CTNNA3: variants seen among roughly 807,000 people sequenced by gnomAD.
The protein encoded by CTNNA3 is catenin alpha 3, also known as catenin alpha-3.
In CTNNA3, 76 loss-of-function variants were observed where a neutral mutation model predicts 95.7. The ratio of observed to expected loss-of-function variants is 0.79; its 90% CI spans 0.66 to 0.96. CTNNA3 has a LOEUF of 0.96. Among genes scored for constraint, CTNNA3 ranks in the 40% least tolerant of loss-of-function variants. The pLI is 0.00. For missense variants in CTNNA3, 1,191 were observed against 1,089.8 expected, an observed-to-expected ratio of 1.09 and a Z score of -1.31; for synonymous variants, 431 against 374.4, an observed-to-expected ratio of 1.15 and a Z score of -1.74.
At chr10:66,926,063 A>G in intron 7 of CTNNA3, 1 of 457,270 alleles carries the variant, frequency 2.2e-6, no homozygotes. Flanking sequence ...TCAGAATGAC[A>G]GTCTGCAGAA....
chr10:67,704,264 T>A lies in CTNNA3; in HGVS notation c.-1-56750A>T, dbSNP rs548478130. Among the ~76,000 whole-genome samples the A allele has an allele frequency of 2.1e-4, 32 of 152,302 alleles. No homozygotes were observed. In the South Asian group the frequency reaches 6.4e-3, roughly 31 times the overall value. Reference sequence around the variant, plus strand: ...CTACCAATGACTTTCTTCACAGAATTGTAAAAAACTGCTTTAAAGTTTGTA... The same window carrying A: ...CTACCAATGACTTTCTTCACAGAATAGTAAAAAACTGCTTTAAAGTTTGTA... On this transcript the variant is annotated intron_variant, in intron 1 of 17. Transcript: ENST00000684154.
chr10:66,064,939 C>T (rs2080282343), intron 15 of CTNNA3, among the ~76,000 whole-genome samples: 1 of 152,086 alleles, frequency 6.6e-6, no homozygotes, highest in African/African-American at 2.4e-5. Flanking sequence ...CATATATACA[C>T]ATGCTGTTAT....
intron 7 of CTNNA3, chr10:67,099,338 T>A (rs1357353941): frequency 6.6e-6 from 1 of 151,740 alleles, no homozygotes; most frequent in Admixed American, 6.6e-5. Flanking sequence ...TTTTTTTTAA[T>A]GGAAAACTGC....
At chr10:66,247,952 T>A (rs2090404629) in intron 13 of CTNNA3, among the ~76,000 whole-genome samples, 1 of 152,134 alleles carries the variant, frequency 6.6e-6, no homozygotes, top group Admixed American at 6.5e-5. Flanking sequence ...CACAGAATAT[T>A]ATAACACTGT....
In CTNNA3 at chr10:66,927,232, A is replaced by C. The variant is rs756668374; in HGVS notation, c.1048-151708T>G. 6.2e-7 allele frequency: 1 copy of C among 1,614,178 alleles called. No homozygotes were observed. Among genetic ancestry groups the C allele is most frequent in the Non-Finnish European group, 8.5e-7 (1 of 1,180,050 alleles). On this transcript the variant is annotated intron_variant, in intron 7 of 17. Transcript: ENST00000433211. The surrounding 1 kb of genome is among the most constrained non-coding windows in gnomAD (Gnocchi z 4.7). ...CAGCAATATTGACGAAAATGCTTTTAATGGAATACGCAGACTCAAAGAGCT... is the reference window on the plus strand; with the variant it reads ...CAGCAATATTGACGAAAATGCTTTTCATGGAATACGCAGACTCAAAGAGCT...
At chr10:66,312,124 A>G (rs1159379790) in intron 12 of CTNNA3, among the ~76,000 whole-genome samples, 1 of 152,182 alleles carries the variant, frequency 6.6e-6, no homozygotes, top group East Asian at 1.9e-4. Flanking sequence ...CATCTAATTA[A>G]TTGAAATAGA....
intron 12 of CTNNA3, among the ~76,000 whole-genome samples, chr10:66,311,335 TAGCATAAAGAGAGTTAG>T (rs1258605827): frequency 6.6e-6 from 1 of 152,196 alleles, no homozygotes; most frequent in African/African-American, 2.4e-5. Context: ...TAGCTAAAAG[TAGCATAAAGAGAGTTAG>T]AGAGAATCAC....
chr10:66,272,739 TA>T (rs534515532), intron 13 of CTNNA3, among the ~76,000 whole-genome samples: 52 of 152,304 alleles, frequency 3.4e-4, no homozygotes, highest in Non-Finnish European at 6.8e-4. Context: ...TCACTTAGCA[TA>T]TACTTATTTT....
chr10:67,080,938 A>AC (rs1298153853), intron 7 of CTNNA3, among the ~76,000 whole-genome samples: 7 of 34,296 alleles, frequency 2.0e-4, no homozygotes, highest in African/African-American at 1.6e-3. Flanking sequence ...AAAAACAACA[A>AC]AAAAAAAAAA....
At chr10:67,578,959 T>TC (rs921169454) in intron 3 of CTNNA3, among the ~76,000 whole-genome samples, 2 of 143,176 alleles carry the variant, frequency 1.4e-5, no homozygotes, top group Non-Finnish European at 3.1e-5. Context: ...TGTTGAACTA[T>TC]CCTTGCATCA....
chr10:67,239,037 A>G (rs1865614092), intron 5 of CTNNA3, among the ~76,000 whole-genome samples: 1 of 152,196 alleles, frequency 6.6e-6, no homozygotes, highest in Admixed American at 6.6e-5. Flanking sequence ...ACCTTAATCC[A>G]GAGAGTTTGA....
chr10:66,069,782 T>A (rs537239485), intron 14 of CTNNA3, among the ~76,000 whole-genome samples: 44 of 152,304 alleles, frequency 2.9e-4, no homozygotes, highest in African/African-American at 1.0e-3. Context: ...TGCAAATTTC[T>A]AATACGCTTC....
At chr10:66,388,122 TC>T (rs751668116) in intron 11 of CTNNA3, among the ~76,000 whole-genome samples, 4 of 152,114 alleles carry the variant, frequency 2.6e-5, no homozygotes, top group Non-Finnish European at 5.9e-5. Flanking sequence ...GCTACTATTT[TC>T]AAGTATATTG....
At chr10:66,728,779 G>C (rs912695645) in intron 9 of CTNNA3, among the ~76,000 whole-genome samples, 1 of 151,996 alleles carries the variant, frequency 6.6e-6, no homozygotes, top group African/African-American at 2.4e-5. Context: ...GTAGAGACAG[G>C]GTTTCACCAT....
intron 5 of CTNNA3, among the ~76,000 whole-genome samples, chr10:67,451,795 G>A (rs534310353): frequency 1.4e-3 from 217 of 152,262 alleles, no homozygotes; most frequent in Non-Finnish European, 2.6e-3. Flanking sequence ...GGAAGGGTAA[G>A]AAAACCATAG....
chr10:67,495,288 T>G (rs1838987150), intron 5 of CTNNA3, among the ~76,000 whole-genome samples: 1 of 152,122 alleles, frequency 6.6e-6, no homozygotes. Context: ...CACTGACTTC[T>G]ACCCACACTC....
chr10:67,707,462 C>T (rs1451172772), intron 1 of CTNNA3, among the ~76,000 whole-genome samples: 8 of 152,146 alleles, frequency 5.3e-5, no homozygotes, highest in African/African-American at 1.7e-4. Flanking sequence ...AAACCATTTG[C>T]TCCCAGCTAT....
At chr10:67,097,514 T>G in intron 7 of CTNNA3, 1 of 1,363,580 alleles carries the variant, frequency 7.3e-7, no homozygotes, top group Non-Finnish European at 1.0e-6. Flanking sequence ...GGTCAGCACT[T>G]CAGTCTCTAA....
chr10:67,477,252 G>A (rs950859831), intron 5 of CTNNA3, among the ~76,000 whole-genome samples: 2 of 151,874 alleles, frequency 1.3e-5, no homozygotes, highest in African/African-American at 4.8e-5. Context: ...CTCGGTGGAT[G>A]CTCACTACAT....
Sources: allele counts gnomAD v4.1 joint callset (sites outside exome capture counted in the v4.1 genomes callset), GRCh38; gene constraint gnomAD v4.1.1; non-coding constraint Gnocchi (gnomAD v3.1); transcripts MANE v1.5; gene names NCBI Gene and HGNC (gene_info 2026-07-23, HGNC 2026-07-21).